PPM1A: variants seen among roughly 807,000 people sequenced by gnomAD.
PPM1A encodes the protein protein phosphatase, Mg2+/Mn2+ dependent 1A.
PPM1A carries 7 observed loss-of-function variants against 35.0 expected under a neutral mutation model. The ratio of observed to expected loss-of-function variants is 0.20; its 90% CI spans 0.11 to 0.38. PPM1A has a LOEUF of 0.38. PPM1A is among the 10% of genes least tolerant of loss of function. PPM1A has a pLI of 1.00. For synonymous variants in PPM1A, 153 were observed against 167.3 expected (o/e 0.91, Z 0.66); for missense variants, 239 against 467.8 (o/e 0.51, Z 4.51).
Position 60,283,749 on chromosome 14 carries a change from T to TA in PPM1A, c.834+213dup, listed in dbSNP as rs1428668959. On this transcript the variant is annotated intron_variant, in intron 2 of 5. Coordinates refer to ENST00000395076, the MANE Select transcript of PPM1A (RefSeq NM_021003.5). The surrounding 1 kb of genome is among the most constrained non-coding windows in gnomAD (Gnocchi z 6.3). ...CTGCAAGAGTTATAAGCTGAATGTT[T>TA]AGTCTTACTACTTGAGCTTTGTAAT... Among the ~76,000 whole-genome samples, 4 of 152,352 alleles carry TA rather than the reference T, an allele frequency of 2.6e-5. No homozygotes were observed. Among genetic ancestry groups the TA allele is most frequent in the African/African-American group, 9.6e-5 (4 of 41,592 alleles).
chr14:60,268,526 CAT>C (rs1316023782), intron 1 of PPM1A: 4 of 383,590 alleles, frequency 1.0e-5, no homozygotes, highest in African/African-American at 4.4e-5. Flanking sequence ...TCACATATAA[CAT>C]GTACTATAAT....
At chr14:60,246,718 A>G (rs1418937426), upstream of PPM1A, among the ~76,000 whole-genome samples, 1 of 152,226 alleles carries the variant, frequency 6.6e-6, no homozygotes, top group East Asian at 1.9e-4. Flanking sequence ...TTAATCAGAC[A>G]ATATTGATAT....
intron 1 of PPM1A, among the ~76,000 whole-genome samples, chr14:60,281,854 G>T (rs977916452): frequency 1.3e-5 from 2 of 152,164 alleles, no homozygotes; most frequent in African/African-American, 4.8e-5. Context: ...AATGGTCATA[G>T]AGTATAATAA....
At chr14:60,288,438 G>C (rs1451793324) in intron 3 of PPM1A, 1 of 984,278 alleles carries the variant, frequency 1.0e-6, no homozygotes, top group Admixed American at 6.2e-5. Context: ...AAATTGTGCA[G>C]TTTAGGTAAA....
chr14:60,275,493 T>A lies in PPM1A; in HGVS notation c.-20-7191T>A, dbSNP rs539004674. 3.3e-5 allele frequency among the ~76,000 whole-genome samples: 5 copies of A among 152,316 alleles called. 1 individual carries two copies. The highest frequency in any genetic ancestry group is 1.2e-4 in the African/African-American group (5 of 41,566). On this transcript the variant is annotated intron_variant, in intron 1 of 5. Coordinates refer to ENST00000395076, the MANE Select transcript of PPM1A (RefSeq NM_021003.5). ...TATAAATGAGTAATATTTTATTATTTTTATTTTTTTAGAGACAGAGTCTTA... is the reference window on the plus strand; with the variant it reads ...TATAAATGAGTAATATTTTATTATTATTATTTTTTTAGAGACAGAGTCTTA...
chr14:60,289,848 A>C lies in PPM1A; in HGVS notation c.995A>C (p.His332Pro), dbSNP rs747334490. The C allele has an allele frequency of 6.2e-7, 1 of 1,603,322 alleles. No homozygotes were observed. The highest frequency in any genetic ancestry group is 1.1e-5 in the South Asian group (1 of 88,966). ...GGGGAAGGCGTCCCCGACTTAGTCCATGTGATGCGCACATTAGCGAGTGAG... is the reference window on the plus strand; with the variant it reads ...GGGGAAGGCGTCCCCGACTTAGTCCCTGTGATGCGCACATTAGCGAGTGAG... ...KQGEGVPDLV[H>P]VMRTLASENI... The change falls in exon 4 of 6, where the codon CAT (histidine) becomes CCT (proline). Residue 332 changes from histidine (H) to proline (P), a missense_variant. Around this residue, in one of 2 missense-constraint regions of PPM1A, gnomAD observed 64 missense variants for 78.6 expected, o/e 0.81. Transcript: ENST00000395076. The surrounding 1 kb of genome is among the most constrained non-coding windows in gnomAD (Gnocchi z 4.1).
intron 2 of PPM1A, among the ~76,000 whole-genome samples, chr14:60,284,709 A>G (rs200955210): frequency 2.8e-4 from 38 of 137,584 alleles, no homozygotes; most frequent in East Asian, 2.4e-3. Context: ...GTGTGTGTGT[A>G]TATATATATA....
At chr14:60,256,350 T>G (rs1883135726) in intron 1 of PPM1A, among the ~76,000 whole-genome samples, 1 of 152,186 alleles carries the variant, frequency 6.6e-6, no homozygotes, top group Admixed American at 6.5e-5. Context: ...GGGGAATTGC[T>G]TGAACCCGGG....
intron 1 of PPM1A, among the ~76,000 whole-genome samples, chr14:60,257,332 TTTCA>T (rs575681255): frequency 5.3e-5 from 8 of 152,322 alleles, no homozygotes; most frequent in Non-Finnish European, 1.0e-4. Context: ...ACAGGTCTTG[TTTCA>T]TTCATTTAAA....
chr14:60,255,171 T>TG (rs1439113844), intron 1 of PPM1A, among the ~76,000 whole-genome samples: 14 of 103,362 alleles, frequency 1.4e-4, no homozygotes, highest in Admixed American at 8.0e-4. Flanking sequence ...TTTTTTTTTT[T>TG]TTGTTTTGTT....
intron 1 of PPM1A, among the ~76,000 whole-genome samples, chr14:60,279,262 G>A (rs1241106571): frequency 6.6e-6 from 1 of 152,116 alleles, no homozygotes; most frequent in Non-Finnish European, 1.5e-5. Context: ...GGGATTACAG[G>A]CGCCAGCCAC....
chr14:60,263,914 T>C (rs931366480), intron 1 of PPM1A, among the ~76,000 whole-genome samples: 1 of 152,138 alleles, frequency 6.6e-6, no homozygotes, highest in African/African-American at 2.4e-5. Flanking sequence ...AAACCGAATA[T>C]TTCTCCATCC....
At chr14:60,290,016 G>T (rs1281072571) in intron 4 of PPM1A, 102 bp downstream of exon 4, 7 of 748,546 alleles carry the variant, frequency 9.4e-6, no homozygotes, top group Middle Eastern at 2.4e-4. Flanking sequence ...AACTGATGCA[G>T]TTATCTGTGT....
chr14:60,254,922 T>C (rs1222795480), intron 1 of PPM1A, among the ~76,000 whole-genome samples: 1 of 152,220 alleles, frequency 6.6e-6, no homozygotes, highest in Non-Finnish European at 1.5e-5. Flanking sequence ...TAGTCTGTTA[T>C]AACCAAACTA....
rs1471287550 is a variant in PPM1A at position 60,298,708 on chromosome 14, T to C, written c.*6226T>C. The C allele has an allele frequency of 6.6e-6, 1 of 151,834 alleles. No homozygotes were observed. Among genetic ancestry groups the C allele is most frequent in the African/African-American group, 2.4e-5 (1 of 41,416 alleles). 9.4% of individuals were successfully genotyped at this position (151,834 alleles called of 1,614,324 possible). On this transcript the variant is annotated 3_prime_UTR_variant, in exon 6 of 6. Coordinates refer to ENST00000395076, the MANE Select transcript of PPM1A (RefSeq NM_021003.5). Reference sequence around the variant, plus strand: ...TATAAATGTTATGAGTGGAGAGACATGTACATGTTAAAAGCATGTTGCATT... The same window carrying C: ...TATAAATGTTATGAGTGGAGAGACACGTACATGTTAAAAGCATGTTGCATT...
At chr14:60,287,476 G>GT (rs1282960723) in intron 3 of PPM1A, 1 of 984,950 alleles carries the variant, frequency 1.0e-6, no homozygotes, top group African/African-American at 1.7e-5. Context: ...GAATGTAACT[G>GT]TTTGTATTGT....
At position 60,289,596 on chromosome 14, in the gene PPM1A, T is replaced by C. The variant is rs1405547419; in HGVS notation, c.953-210T>C. On this transcript the variant is annotated intron_variant, in intron 3 of 5. Coordinates refer to ENST00000395076, the MANE Select transcript of PPM1A (RefSeq NM_021003.5). The surrounding 1 kb of genome is among the most constrained non-coding windows in gnomAD (Gnocchi z 4.1). ...ATATTTTTTCACATTTTAATTTTGA[T>C]TTGAAGTTAATCTTATATGTCATTT... 6.6e-6 allele frequency among the ~76,000 whole-genome samples: 1 copy of C among 152,172 alleles called. No homozygotes were observed. Among genetic ancestry groups the C allele is most frequent in the African/African-American group, 2.4e-5 (1 of 41,442 alleles).
chr14:60,286,722 G>C (rs1413723525), intron 3 of PPM1A: 60 of 983,544 alleles, frequency 6.1e-5, no homozygotes, highest in Non-Finnish European at 6.9e-5. Flanking sequence ...ATCATAATCA[G>C]TCTGATACTA....
chr14:60,270,648 T>G (rs1884970614), intron 1 of PPM1A, among the ~76,000 whole-genome samples: 1 of 152,234 alleles, frequency 6.6e-6, no homozygotes, highest in Non-Finnish European at 1.5e-5. Flanking sequence ...AGAGAAATGA[T>G]AGGGATTTTG....
Sources: gnomAD v4.1 joint callset for allele counts (sites outside exome capture counted in the v4.1 genomes callset) on GRCh38, gnomAD v4.1.1 for gene constraint, gnomAD v4.1.1 regional missense constraint, Gnocchi (gnomAD v3.1) non-coding constraint, MANE v1.5 for transcripts, NCBI Gene and HGNC (gene_info 2026-07-23, HGNC 2026-07-21) for gene names.